The following SLC39A11 variants were observed in gnomAD, a reference collection of about 807,000 sequenced individuals.
SLC39A11 encodes zinc transporter ZIP11.
SLC39A11 carries 33 observed loss-of-function variants against 36.1 expected under a neutral mutation model. That is an observed-to-expected ratio of 0.91 (90% CI 0.69 to 1.22). The LOEUF (loss-of-function observed/expected upper bound fraction) is 1.22, where lower values mean the gene tolerates loss of function less well. SLC39A11 is among the 50% of genes most tolerant of loss of function. The pLI, the probability that SLC39A11 is intolerant of heterozygous loss-of-function variation, is 0.00. For synonymous variants in SLC39A11, 166 were observed against 170.3 expected (o/e 0.97, Z 0.20); for missense variants, 432 against 430.3 (o/e 1.00, Z -0.03).
intron 7 of SLC39A11, among the ~76,000 whole-genome samples, chr17:72,675,069 G>T (rs528647380): frequency 6.6e-6 from 1 of 152,102 alleles, no homozygotes; most frequent in East Asian, 1.9e-4. Context: ...ACTGCCCCCC[G>T]CTTCCATACA....
intron 5 of SLC39A11, among the ~76,000 whole-genome samples, chr17:72,919,162 A>G (rs1017369727): frequency 6.6e-6 from 1 of 152,118 alleles, no homozygotes; most frequent in African/African-American, 2.4e-5. Context: ...TTCATTCTGG[A>G]GCATGGTTAT....
chr17:72,939,458 G>GAA (rs3064732), intron 5 of SLC39A11, among the ~76,000 whole-genome samples: 138,068 of 145,542 alleles, frequency 0.95, 65,791 homozygotes, highest in South Asian at 1. Flanking sequence ...GTTCCGTCTC[G>GAA]AAAAAAAAAA....
chr17:72,885,511 C>T (rs1204602059), intron 5 of SLC39A11, among the ~76,000 whole-genome samples: 1 of 152,102 alleles, frequency 6.6e-6, no homozygotes, highest in Non-Finnish European at 1.5e-5. Flanking sequence ...TCTGCCTCAC[C>T]TCCAATGAAC....
chr17:72,700,778 C>T (rs945373828), intron 7 of SLC39A11, among the ~76,000 whole-genome samples: 17 of 152,186 alleles, frequency 1.1e-4, no homozygotes, highest in African/African-American at 2.9e-4. Context: ...TCTCACATGG[C>T]GGCAGACAAG....
chr17:72,812,797 C>G (rs1365365062), intron 6 of SLC39A11, among the ~76,000 whole-genome samples: 1 of 152,138 alleles, frequency 6.6e-6, no homozygotes, highest in African/African-American at 2.4e-5. Context: ...ATAAATATCT[C>G]GATGTCATTT....
chr17:72,950,018 CATG>C (rs1187876898), intron 4 of SLC39A11, among the ~76,000 whole-genome samples: 4 of 151,068 alleles, frequency 2.6e-5, no homozygotes, highest in Admixed American at 6.6e-5. Flanking sequence ...TTTTCACTGT[CATG>C]ATGATGAGAG....
At chr17:72,820,333 C>T (rs569011834) in intron 6 of SLC39A11, among the ~76,000 whole-genome samples, 1 of 151,240 alleles carries the variant, frequency 6.6e-6, no homozygotes, top group Admixed American at 6.6e-5. Context: ...TAAGTTCTTG[C>T]GATGTCCCAT....
chr17:72,812,603 TCTG>T (rs2077466898), intron 6 of SLC39A11, among the ~76,000 whole-genome samples: 1 of 152,222 alleles, frequency 6.6e-6, no homozygotes, highest in Non-Finnish European at 1.5e-5. Flanking sequence ...TGGTCCCACC[TCTG>T]CTATTACCCA....
At chr17:72,701,741 A>G (rs551721427) in intron 7 of SLC39A11, among the ~76,000 whole-genome samples, 2,338 of 150,658 alleles carry the variant, frequency 0.016, 65 homozygotes, top group African/African-American at 0.054. Flanking sequence ...AAAAAAAAAA[A>G]AAAAAGAAAA....
chr17:72,692,247 G>A (rs1359086563), intron 7 of SLC39A11, among the ~76,000 whole-genome samples: 1 of 152,144 alleles, frequency 6.6e-6, no homozygotes, highest in African/African-American at 2.4e-5. Flanking sequence ...TCCTGACCTT[G>A]CGAACCACCC....
chr17:72,840,545 G>C (rs554007764), intron 6 of SLC39A11, among the ~76,000 whole-genome samples: 2 of 152,302 alleles, frequency 1.3e-5, no homozygotes, highest in East Asian at 3.9e-4. Flanking sequence ...GATCACCTGA[G>C]GTCAGGAGTT....
At chr17:72,663,262 A>G (rs1198717803) in intron 7 of SLC39A11, among the ~76,000 whole-genome samples, 1 of 152,246 alleles carries the variant, frequency 6.6e-6, no homozygotes, top group Non-Finnish European at 1.5e-5. Context: ...ACAACTCTCT[A>G]AAGGTAGGAT....
chr17:72,851,928 C>T (rs567692065), intron 5 of SLC39A11, among the ~76,000 whole-genome samples: 24 of 152,060 alleles, frequency 1.6e-4, no homozygotes, highest in East Asian at 3.9e-4. Flanking sequence ...TGTGGCCAGG[C>T]GCAGTAGCTC....
chr17:72,649,413 G>A lies in SLC39A11; in HGVS notation c.672-145C>T, dbSNP rs573033790. On this transcript the variant is annotated intron_variant, in intron 7 of 9. Transcript: ENST00000255559. ...CTGCAGTAGGAGAGGAAGGAGAAAG[G>A]TCAGGACGTGTGTCTAGGTAAAGAG... is the stretch of plus-strand genomic sequence containing the variant. 8 of 656,498 alleles carry A rather than the reference G, an allele frequency of 1.2e-5. No homozygotes were observed. In the South Asian group the frequency reaches 1.5e-4, roughly 13 times the overall value. 40.7% of individuals were successfully genotyped at this position (656,498 alleles called of 1,614,324 possible).
At chr17:72,989,284 TATTTCAC>T (rs1412227054) in intron 4 of SLC39A11, among the ~76,000 whole-genome samples, 1 of 152,278 alleles carries the variant, frequency 6.6e-6, no homozygotes, top group African/African-American at 2.4e-5. Context: ...ATCTTGGCTG[TATTTCAC>T]AGAGTTCTCC....
At chr17:73,039,640 T>C (rs2059042022) in intron 3 of SLC39A11, among the ~76,000 whole-genome samples, 1 of 152,232 alleles carries the variant, frequency 6.6e-6, no homozygotes, top group African/African-American at 2.4e-5. Flanking sequence ...CTCAAATGCC[T>C]TCTGTCCTTT....
intron 4 of SLC39A11, among the ~76,000 whole-genome samples, chr17:73,020,386 G>A (rs1445693724): frequency 6.6e-6 from 1 of 152,194 alleles, no homozygotes; most frequent in Non-Finnish European, 1.5e-5. Context: ...GTGGCCATCT[G>A]CAAGACAGAA....
At chr17:72,894,021 A>G (rs2081897617) in intron 5 of SLC39A11, among the ~76,000 whole-genome samples, 1 of 152,136 alleles carries the variant, frequency 6.6e-6, no homozygotes, top group Non-Finnish European at 1.5e-5. Context: ...CAGTATGTAA[A>G]CTGATAAAGT....
intron 3 of SLC39A11, among the ~76,000 whole-genome samples, chr17:73,074,103 G>T (rs2060245594): frequency 6.6e-6 from 1 of 150,642 alleles, no homozygotes; most frequent in South Asian, 2.1e-4. Flanking sequence ...ATCTATAGAG[G>T]ATTTAATTAT....
Sources: allele counts gnomAD v4.1 joint callset (sites outside exome capture counted in the v4.1 genomes callset), GRCh38; gene constraint gnomAD v4.1.1; transcripts MANE v1.5; gene names NCBI Gene and HGNC (gene_info 2026-07-23, HGNC 2026-07-21).